POU2F3: variants seen among roughly 807,000 people sequenced by gnomAD.
POU2F3 encodes POU domain, class 2, transcription factor 3.
POU2F3 carries 23 observed loss-of-function variants against 59.2 expected under a neutral mutation model. The ratio of observed to expected loss-of-function variants is 0.39; its 90% confidence interval spans 0.28 to 0.55. The LOEUF (loss-of-function observed/expected upper bound fraction) is 0.55, where lower values mean the gene tolerates loss of function less well. POU2F3 is among the 20% of genes least tolerant of loss of function. The pLI, the probability that POU2F3 is intolerant of heterozygous loss-of-function variation, is 0.66. For synonymous variants in POU2F3, 190 were observed against 214.6 expected, an observed-to-expected ratio of 0.89 and a Z score of 1.00; for missense variants, 473 against 544.5, an observed-to-expected ratio of 0.87 and a Z score of 1.31.
chr11:120,237,052 A>C (rs1938523362), upstream of POU2F3, among the ~76,000 whole-genome samples: 1 of 152,208 alleles, frequency 6.6e-6, no homozygotes, highest in Non-Finnish European at 1.5e-5. Context: ...ACTGGAGGGC[A>C]GGACTAAAAT....
At chr11:120,236,825 G>A (rs1240715816), upstream of POU2F3, 11 of 985,574 alleles carry the variant, frequency 1.1e-5, no homozygotes, top group South Asian at 7.3e-5. Flanking sequence ...ATACACAGGT[G>A]GGACTTAGAG....
upstream of POU2F3, chr11:120,236,734 C>A (rs549510549): frequency 3.4e-6 from 5 of 1,450,836 alleles, 1 homozygote; most frequent in Admixed American, 9.8e-5. Flanking sequence ...CGTTCCCATT[C>A]TAGCTCATCT....
At chr11:120,282,672 A>G (rs1200185738) in intron 3 of POU2F3, among the ~76,000 whole-genome samples, 5 of 152,230 alleles carry the variant, frequency 3.3e-5, no homozygotes, top group African/African-American at 1.2e-4. Context: ...CAAACAAAAA[A>G]AAGAGAAATA....
At chr11:120,258,372 A>G (rs1055632965) in intron 2 of POU2F3, among the ~76,000 whole-genome samples, 2 of 152,168 alleles carry the variant, frequency 1.3e-5, no homozygotes, top group Non-Finnish European at 2.9e-5. Flanking sequence ...ATGGGCTGTC[A>G]TGAACATAGT....
At chr11:120,246,015 G>A (rs1938853039) in intron 1 of POU2F3, among the ~76,000 whole-genome samples, 1 of 152,166 alleles carries the variant, frequency 6.6e-6, no homozygotes, top group African/African-American at 2.4e-5. Context: ...GTTATTAAGG[G>A]AAACAGAGCT....
chr11:120,271,852 C>A (rs984601263), intron 3 of POU2F3, among the ~76,000 whole-genome samples: 8 of 152,126 alleles, frequency 5.3e-5, no homozygotes, highest in Non-Finnish European at 1.0e-4. Flanking sequence ...GGTTTGGATT[C>A]TCATCACTGA....
At chr11:120,267,813 A>C (rs565026278) in intron 2 of POU2F3, among the ~76,000 whole-genome samples, 1 of 152,056 alleles carries the variant, frequency 6.6e-6, no homozygotes, top group Non-Finnish European at 1.5e-5. Flanking sequence ...CATATTGTAT[A>C]TGCATATTAA....
chr11:120,277,656 C>T (rs1443917038), intron 3 of POU2F3, among the ~76,000 whole-genome samples: 1 of 152,048 alleles, frequency 6.6e-6, no homozygotes, highest in African/African-American at 2.4e-5. Flanking sequence ...GTGGCTTATG[C>T]CTGTAGACCC....
chr11:120,262,526 A>G (rs1038768809), intron 2 of POU2F3, among the ~76,000 whole-genome samples: 1 of 152,258 alleles, frequency 6.6e-6, no homozygotes, highest in African/African-American at 2.4e-5. Context: ...CTAAAACATG[A>G]AGACATTTTC....
intron 6 of POU2F3, chr11:120,303,621 T>G (rs1205150836): frequency 6.6e-6 from 1 of 152,160 alleles, no homozygotes; most frequent in Non-Finnish European, 1.5e-5. Flanking sequence ...GACTGGGGCT[T>G]TGTCCTGAGG....
At chr11:120,276,327 T>G (rs1201294675) in intron 3 of POU2F3, among the ~76,000 whole-genome samples, 1 of 152,006 alleles carries the variant, frequency 6.6e-6, no homozygotes, top group Non-Finnish European at 1.5e-5. Context: ...GTGGGGAAGA[T>G]GTAGGGTCTG....
intron 3 of POU2F3, among the ~76,000 whole-genome samples, chr11:120,293,557 G>A (rs1244810623): frequency 1.3e-5 from 2 of 152,234 alleles, no homozygotes; most frequent in African/African-American, 4.8e-5. Flanking sequence ...CAGGTTGGGA[G>A]ATGTTCACGC....
At chr11:120,257,162 T>C (rs1939376623) in intron 2 of POU2F3, among the ~76,000 whole-genome samples, 1 of 152,162 alleles carries the variant, frequency 6.6e-6, no homozygotes, top group Non-Finnish European at 1.5e-5. Context: ...GCTGCCAAAG[T>C]GTTGGAAAAT....
chr11:120,273,837 G>A (rs1162031207), intron 3 of POU2F3, among the ~76,000 whole-genome samples: 3 of 152,042 alleles, frequency 2.0e-5, no homozygotes, highest in African/African-American at 4.8e-5. Flanking sequence ...TCAGCATGGC[G>A]AAACACCATC....
chr11:120,239,049 G>A (rs776623406), upstream of POU2F3, among the ~76,000 whole-genome samples: 1 of 152,146 alleles, frequency 6.6e-6, no homozygotes, highest in African/African-American at 2.4e-5. Context: ...GGGCATGACT[G>A]GAGTGCACGG....
Position 120,285,103 on chromosome 11 carries a change from G to A in POU2F3, c.133-13162G>A, listed in dbSNP as rs1480590947. Among the ~76,000 whole-genome samples the A allele has an allele frequency of 6.6e-6, 1 of 152,146 alleles. No homozygotes were observed. Among genetic ancestry groups the A allele is most frequent in the Non-Finnish European group, 1.5e-5 (1 of 68,026 alleles). Reference sequence around the variant, plus strand: ...TGAAACGAAGGTCAGAGTCGGTGATGTTAGTTACTTTACTATTCTTATTTG... The same window carrying A: ...TGAAACGAAGGTCAGAGTCGGTGATATTAGTTACTTTACTATTCTTATTTG... On this transcript the variant is annotated intron_variant, in intron 3 of 12. Transcript: ENST00000543440. This position sits in a 1 kb window ranked among gnomAD's most constrained non-coding sequence, Gnocchi z 4.3.
At chr11:120,265,674 A>G (rs1939801220) in intron 2 of POU2F3, among the ~76,000 whole-genome samples, 1 of 152,224 alleles carries the variant, frequency 6.6e-6, no homozygotes, top group African/African-American at 2.4e-5. Flanking sequence ...GGGTCTCACT[A>G]ACAACATCAT....
At chr11:120,314,309 C>T (rs957399672) in intron 10 of POU2F3, among the ~76,000 whole-genome samples, 1 of 152,176 alleles carries the variant, frequency 6.6e-6, no homozygotes, top group African/African-American at 2.4e-5. Flanking sequence ...ATAGCCTTTG[C>T]GAACACCTGG....
Position 120,317,321 on chromosome 11 carries a change from T to A in POU2F3, c.1228T>A (p.Ser410Thr), listed in dbSNP as rs778799715. The change falls in exon 12 of 13, where the codon TCC becomes ACC. Residue 410 changes from serine to threonine, a missense_variant. Ser to Thr is a moderately conservative substitution (Grantham distance 58). Transcript: ENST00000543440. The stretch of plus-strand genomic sequence containing the variant: ...CAGCCCCACTGCATCTCAAAATAAC[T>A]CCAAAGCAGCAGTGAACTCCGCCTC... The part of the protein sequence containing the change: ...ASSPTASQNN[S>T]KAAVNSASSF... The A allele has an allele frequency of 1.9e-6, 3 of 1,613,970 alleles. No individual in the cohort carries two copies. The Admixed American group carries it at 5.0e-5, about 27-fold the overall frequency.
Sources: gnomAD v4.1 joint callset for allele counts (sites outside exome capture counted in the v4.1 genomes callset) on GRCh38, gnomAD v4.1.1 for gene constraint, Gnocchi (gnomAD v3.1) non-coding constraint, MANE v1.5 for transcripts, NCBI Gene and HGNC (gene_info 2026-07-23, HGNC 2026-07-21) for gene names.